Variants in PRR5 observed in about 807,000 individuals in gnomAD.
The protein encoded by PRR5 is proline-rich protein 5.
A neutral mutation model predicts 30.6 loss-of-function variants in PRR5; 25 were observed. The observed-to-expected ratio is 0.82, with a 90% CI of 0.60 to 1.14. The LOEUF is 1.14. Among genes scored for constraint, PRR5 ranks in the 50% most tolerant of loss-of-function variants. PRR5 has a pLI of 0.00. For synonymous variants in PRR5, 286 were observed against 247.1 expected, an observed-to-expected ratio of 1.16 and a Z score of -1.48; for missense variants, 600 against 547.1, an observed-to-expected ratio of 1.10 and a Z score of -0.96.
At position 44,691,635 on chromosome 22, in the gene PRR5, G is replaced by C. The variant is rs542737168; in HGVS notation, c.-10-10857G>C. On this transcript the variant is annotated intron_variant, in intron 1 of 8. Coordinates refer to the PRR5 transcript ENST00000006251. This position sits in a 1 kb window ranked among gnomAD's most constrained non-coding sequence, Gnocchi z 4.4. ...CTAAAAACACAAAAACTAGCCAGGC[G>C]TGGTGGTGCACGCCTGTAATCGCAG... Among the ~76,000 whole-genome samples the C allele has an allele frequency of 2.6e-5, 4 of 152,278 alleles. No individual in the cohort carries two copies. Among genetic ancestry groups the C allele is most frequent in the African/African-American group, 9.6e-5 (4 of 41,574 alleles).
chr22:44,731,333 C>T (rs954524983), intron 4 of PRR5: 4 of 305,196 alleles, frequency 1.3e-5, no homozygotes, highest in African/African-American at 8.6e-5. Flanking sequence ...GTAGGGGTCT[C>T]ACCTGTGAAC....
At chr22:44,709,892 C>T (rs577561628) in intron 1 of PRR5, among the ~76,000 whole-genome samples, 59 of 152,252 alleles carry the variant, frequency 3.9e-4, no homozygotes, top group African/African-American at 1.3e-3. Flanking sequence ...ACCTCAGAAC[C>T]GTAAGGGAAC....
intron 1 of PRR5, among the ~76,000 whole-genome samples, chr22:44,684,671 G>T (rs548114463): frequency 1.3e-5 from 2 of 152,220 alleles, no homozygotes; most frequent in Non-Finnish European, 2.9e-5. Context: ...GCTTGCACCC[G>T]CCCCCAGCTC....
At chr22:44,710,085 GGGTAGGCAAGCAGCCAAA>G (rs1043480338) in intron 1 of PRR5, among the ~76,000 whole-genome samples, 42 of 152,182 alleles carry the variant, frequency 2.8e-4, no homozygotes, top group African/African-American at 9.9e-4. Flanking sequence ...GATGTGAGGC[GGGTAGGCAAGCAGCCAAA>G]GGGAGGCCAT....
rs755102286 is a variant in PRR5 at position 44,735,030 on chromosome 22, G to T, written c.559G>T (p.Val187Leu). ...CCCCTGCCCCACTCTCCTGCAGGGG[G>T]TACATGAGTCCAGGGGCGTGACTGA... ...IVQMLLVLQG[V>L]HESRGVTEDY... The change falls in exon 7 of 8, where the codon GTA becomes TTA. Residue 187 changes from valine (V) to leucine (L), a missense_variant. Coordinates refer to ENST00000336985, the MANE Select transcript of PRR5 (RefSeq NM_181333.4). 1.2e-6 allele frequency: 2 copies of T among 1,612,450 alleles called. No individual in the cohort carries two copies. The highest frequency in any genetic ancestry group is 1.7e-6 in the Non-Finnish European group (2 of 1,179,396).
chr22:44,726,768 G>A (rs190089373), intron 4 of PRR5, 134 bp downstream of exon 4: 80 of 1,362,984 alleles, frequency 5.9e-5, no homozygotes, highest in East Asian at 9.8e-5. Flanking sequence ...GAAGGAACAC[G>A]TATAGCCTTA....
At chr22:44,709,951 C>T (rs1018838848) in intron 1 of PRR5, among the ~76,000 whole-genome samples, 23 of 152,294 alleles carry the variant, frequency 1.5e-4, no homozygotes, top group South Asian at 4.1e-4. Flanking sequence ...TTGTTATGGC[C>T]GCCACGGAAA....
intron 1 of PRR5, among the ~76,000 whole-genome samples, chr22:44,684,679 C>T (rs1601955612): frequency 6.6e-6 from 1 of 152,228 alleles, no homozygotes; most frequent in East Asian, 1.9e-4. Flanking sequence ...CCGCCCCCAG[C>T]TCTCTGCCCA....
intron 4 of PRR5, among the ~76,000 whole-genome samples, chr22:44,727,335 C>T (rs572109725): frequency 2.2e-4 from 34 of 152,166 alleles, no homozygotes; most frequent in Admixed American, 1.9e-3. Flanking sequence ...GCCCTGGGAG[C>T]GGGGTCAGGT....
Position 44,711,611 on chromosome 22 carries a change from C to G in PRR5, c.135-2980C>G, listed in dbSNP as rs145109581. Among the ~76,000 whole-genome samples, 1,140 of 152,320 alleles carry G rather than the reference C, an allele frequency of 7.5e-3. 8 individuals carry two copies. The highest frequency in any genetic ancestry group is 0.011 in the Non-Finnish European group (735 of 68,004). On this transcript the variant is annotated intron_variant, in intron 1 of 7. Coordinates refer to ENST00000336985, the MANE Select transcript of PRR5 (RefSeq NM_181333.4). ...CAGCAGGGCTGAAGCCTGGGGCCCA[C>G]TGCGAGCCTTGGAGGCCCTGGCTAC...
In PRR5 at chr22:44,706,743, A is replaced by G. The variant is rs1187808606; in HGVS notation, c.134+4135A>G. Among the ~76,000 whole-genome samples the G allele has an allele frequency of 2.0e-5, 3 of 151,308 alleles. No individual in the cohort carries two copies. The East Asian group carries it at 5.8e-4, about 29-fold the overall frequency. ...GGGTTTCGCCATGTTGCCCAGGCTG[A>G]TCTCGAACTTCTGACCTCAAGCAAT... On this transcript the variant is annotated intron_variant, in intron 1 of 7. Transcript: ENST00000336985.
intron 1 of PRR5, among the ~76,000 whole-genome samples, chr22:44,686,623 C>G (rs953105719): frequency 6.6e-6 from 1 of 152,336 alleles, no homozygotes; most frequent in South Asian, 2.1e-4. Flanking sequence ...TCAAGCGATT[C>G]TCCTGCCTCA....
chr22:44,731,505 A>G (rs1436441439), intron 4 of PRR5: 11 of 585,456 alleles, frequency 1.9e-5, no homozygotes, highest in Non-Finnish European at 2.8e-5. Flanking sequence ...TGGGAGGCCA[A>G]TCCCTTTACT....
intron 1 of PRR5, among the ~76,000 whole-genome samples, chr22:44,680,955 A>G (rs1489922018): frequency 6.6e-6 from 1 of 152,196 alleles, no homozygotes; most frequent in South Asian, 2.1e-4. Context: ...CTCCACATTC[A>G]TGCATCCATC....
chr22:44,671,128 T>C (rs1345009553), intron 1 of PRR5, among the ~76,000 whole-genome samples: 4 of 152,178 alleles, frequency 2.6e-5, no homozygotes, highest in Non-Finnish European at 5.9e-5. Context: ...CAGATGGCAG[T>C]GTGGGTCACC....
intron 1 of PRR5, among the ~76,000 whole-genome samples, chr22:44,687,873 C>T (rs1356744497): frequency 6.6e-6 from 1 of 152,074 alleles, no homozygotes; most frequent in African/African-American, 2.4e-5. Context: ...CTCCCGGGTT[C>T]AAGCGATTCT....
chr22:44,712,285 C>T (rs1602026400), intron 1 of PRR5, among the ~76,000 whole-genome samples: 3 of 152,332 alleles, frequency 2.0e-5, no homozygotes, highest in East Asian at 1.9e-4. Context: ...GGCCAGTGCC[C>T]GCTGAGAAGC....
chr22:44,693,281 TAGAA>T (rs554892961), intron 1 of PRR5, among the ~76,000 whole-genome samples: 3,075 of 152,102 alleles, frequency 0.02, 88 homozygotes, highest in Admixed American at 0.084. Flanking sequence ...CTTGGCAACA[TAGAA>T]AGACCCTGTC....
upstream of PRR5, among the ~76,000 whole-genome samples, chr22:44,697,551 T>G (rs374688750): frequency 7.3e-4 from 111 of 152,282 alleles, 1 homozygote; most frequent in South Asian, 0.013. Context: ...AGAAGGCACT[T>G]TTGGGTCGGC....
Sources: gnomAD v4.1 joint callset for allele counts (sites outside exome capture counted in the v4.1 genomes callset) on GRCh38, gnomAD v4.1.1 for gene constraint, Gnocchi (gnomAD v3.1) non-coding constraint, MANE v1.5 for transcripts, NCBI Gene and HGNC (gene_info 2026-07-23, HGNC 2026-07-21) for gene names.